RXFP1: variants seen among roughly 807,000 people sequenced by gnomAD.
RXFP1 encodes relaxin family peptide receptor 1, also known as relaxin receptor 1.
Under a neutral mutation model 89.8 loss-of-function variants are expected in RXFP1, and 73 were observed. The observed-to-expected ratio is 0.81, with a 90% CI of 0.67 to 0.99. The LOEUF is 0.99. RXFP1 is among the 50% of genes least tolerant of loss of function. The pLI, the probability that RXFP1 is intolerant of heterozygous loss-of-function variation, is 0.00. For missense variants in RXFP1, 793 were observed against 895.5 expected, an observed-to-expected ratio of 0.89 and a Z score of 1.46; for synonymous variants, 277 against 305.5, an observed-to-expected ratio of 0.91 and a Z score of 0.97.
intron 2 of RXFP1, among the ~76,000 whole-genome samples, chr4:158,576,837 C>A (rs1414511704): frequency 6.6e-6 from 1 of 152,196 alleles, no homozygotes; most frequent in Non-Finnish European, 1.5e-5. Flanking sequence ...TAGACTGGAA[C>A]TTTCCAGGAA....
At chr4:158,622,333 T>C (rs1765783755) in intron 9 of RXFP1, among the ~76,000 whole-genome samples, 1 of 151,820 alleles carries the variant, frequency 6.6e-6, no homozygotes, top group Admixed American at 6.6e-5. Context: ...AAATTAAAAA[T>C]AGAACTACCA....
chr4:158,625,204 A>T (rs1317441147), intron 9 of RXFP1, among the ~76,000 whole-genome samples: 1 of 152,152 alleles, frequency 6.6e-6, no homozygotes, highest in Non-Finnish European at 1.5e-5. Flanking sequence ...ACTAAGACCA[A>T]AAAAAGTAGC....
intron 14 of RXFP1, among the ~76,000 whole-genome samples, chr4:158,641,959 G>A (rs1272771033): frequency 6.6e-6 from 1 of 152,058 alleles, no homozygotes; most frequent in Non-Finnish European, 1.5e-5. Flanking sequence ...TATCCACATG[G>A]TATATTTATC....
chr4:158,639,955 A>T (rs1402371991), intron 14 of RXFP1, among the ~76,000 whole-genome samples: 1 of 152,108 alleles, frequency 6.6e-6, no homozygotes. Flanking sequence ...TCTATGAAAC[A>T]TGTGGTCCCC....
intron 1 of RXFP1, among the ~76,000 whole-genome samples, chr4:158,536,450 C>T (rs1745299003): frequency 6.6e-6 from 1 of 152,154 alleles, no homozygotes; most frequent in African/African-American, 2.4e-5. Flanking sequence ...TCAGAGATAA[C>T]TTCAATATCC....
rs73860512 is a variant in RXFP1 at position 158,528,960 on chromosome 4, C to T, written c.49+6935C>T. Among the ~76,000 whole-genome samples, 624 of 152,332 alleles carry T rather than the reference C, an allele frequency of 4.1e-3. 7 individuals are homozygous for T. Among genetic ancestry groups the T allele is most frequent in the African/African-American group, 0.014 (596 of 41,574 alleles). On this transcript the variant is annotated intron_variant, in intron 1 of 17. Transcript: ENST00000307765. Reference sequence around the variant, plus strand: ...CTGCCTATGCAGGTGCCAGAGAGGGCGGACAGTGGAGGCCCTGGTCGTAGG... The same window carrying T: ...CTGCCTATGCAGGTGCCAGAGAGGGTGGACAGTGGAGGCCCTGGTCGTAGG...
intron 1 of RXFP1, among the ~76,000 whole-genome samples, chr4:158,549,736 GT>G (rs1287574557): frequency 1.3e-5 from 2 of 152,206 alleles, no homozygotes; most frequent in Non-Finnish European, 2.9e-5. Flanking sequence ...GTTTGCCTGG[GT>G]ATCAGCAGCA....
intron 1 of RXFP1, among the ~76,000 whole-genome samples, chr4:158,551,860 G>T (rs1750216398): frequency 6.6e-6 from 1 of 152,114 alleles, no homozygotes. Context: ...AGGATTGCTT[G>T]AGCCCAGGAG....
intron 1 of RXFP1, among the ~76,000 whole-genome samples, chr4:158,533,174 A>G (rs998967633): frequency 2.0e-5 from 3 of 152,216 alleles, no homozygotes; most frequent in Non-Finnish European, 4.4e-5. Flanking sequence ...AGTAAATAAA[A>G]AGAAAGAAAA....
At chr4:158,523,704 G>C (rs1741743779) in intron 1 of RXFP1, among the ~76,000 whole-genome samples, 1 of 152,142 alleles carries the variant, frequency 6.6e-6, no homozygotes, top group African/African-American at 2.4e-5. Context: ...CTGCATGTTA[G>C]GGTGGGGGAA....
In RXFP1 at chr4:158,612,278, T is replaced by G. The variant is rs1225943568; in HGVS notation, c.609-13T>G. On this transcript the variant is annotated splice_polypyrimidine_tract_variant and intron_variant, in intron 7 of 17. Transcript: ENST00000307765. ...ATATATAAATGAATTAATTTTTTTC[T>G]TCTGGCTGTCAGGATAATTGAAGAT... 1.9e-6 allele frequency: 3 copies of G among 1,609,352 alleles called. No homozygotes were observed. Among genetic ancestry groups the G allele is most frequent in the South Asian group, 2.2e-5 (2 of 89,980 alleles).
chr4:158,562,215 A>G (rs1752594068), intron 1 of RXFP1, among the ~76,000 whole-genome samples: 1 of 152,128 alleles, frequency 6.6e-6, no homozygotes, highest in South Asian at 2.1e-4. Context: ...AACACTATAC[A>G]TTTGATTAAT....
intron 14 of RXFP1, among the ~76,000 whole-genome samples, chr4:158,642,260 G>C (rs1216764520): frequency 6.6e-6 from 1 of 151,990 alleles, no homozygotes; most frequent in African/African-American, 2.4e-5. Flanking sequence ...AGGATAATTA[G>C]CATATCCATC....
chr4:158,558,304 C>T (rs1751742554), intron 1 of RXFP1, among the ~76,000 whole-genome samples: 1 of 152,112 alleles, frequency 6.6e-6, no homozygotes, highest in Admixed American at 6.5e-5. Context: ...AACACAGAAA[C>T]AGTGGCAGGT....
chr4:158,568,548 T>C (rs1223922300), intron 1 of RXFP1, among the ~76,000 whole-genome samples: 2 of 152,240 alleles, frequency 1.3e-5, no homozygotes, highest in Non-Finnish European at 2.9e-5. Context: ...TCAACACAGA[T>C]TGGTTTATTT....
chr4:158,637,030 A>G (rs1246352761), intron 12 of RXFP1, among the ~76,000 whole-genome samples: 1 of 152,194 alleles, frequency 6.6e-6, no homozygotes, highest in Non-Finnish European at 1.5e-5. Context: ...TTCATGTAGC[A>G]TAATGTCCTC....
chr4:158,584,602 G>C (rs1757952414), intron 2 of RXFP1, among the ~76,000 whole-genome samples: 1 of 151,934 alleles, frequency 6.6e-6, no homozygotes, highest in African/African-American at 2.4e-5. Flanking sequence ...CTCTGTTCTG[G>C]CCTCTGCTCT....
In RXFP1 at chr4:158,599,438, A is replaced by C. The variant is rs761055225; in HGVS notation, c.392+7A>C. On this transcript the variant is annotated splice_region_variant and intron_variant, in intron 4 of 17. Transcript: ENST00000307765. ...CTTCAAATGTGACTGCAATGTAAGT[A>C]GAAAAGAATTACTTCATCCTGACAG... 1.9e-6 allele frequency: 3 copies of C among 1,610,650 alleles called. No individual in the cohort carries two copies. In the African/African-American group the frequency reaches 4.0e-5, roughly 22 times the overall value.
Position 158,522,030 on chromosome 4 carries a change from G to C in RXFP1, c.49+5G>C, listed in dbSNP as rs775804489. On this transcript the variant is annotated splice_donor_5th_base_variant and intron_variant, in intron 1 of 17. Coordinates refer to ENST00000307765, the MANE Select transcript of RXFP1 (RefSeq NM_021634.4). ...TCTTAATTTTTGGAAAATATTGTAA[G>C]TATGCTCAGTATCTAATTTTGTATA... is the stretch of plus-strand genomic sequence containing the variant. The C allele has an allele frequency of 2.0e-6, 3 of 1,531,088 alleles. No homozygotes were observed. The highest frequency in any genetic ancestry group is 2.7e-6 in the Non-Finnish European group (3 of 1,106,278). The allele number at this position is 1,531,088 out of a possible 1,614,324, so 94.8% of individuals were successfully genotyped here.
Sources: gnomAD v4.1 joint callset for allele counts (sites outside exome capture counted in the v4.1 genomes callset) on GRCh38, gnomAD v4.1.1 for gene constraint, MANE v1.5 for transcripts, NCBI Gene and HGNC (gene_info 2026-07-23, HGNC 2026-07-21) for gene names.